The following XPO6 variants were observed in gnomAD, a reference collection of about 807,000 sequenced individuals.
XPO6 encodes exportin 6, also known as exportin-6.
A neutral mutation model predicts 130.0 loss-of-function variants in XPO6; 3 were observed. That is an observed-to-expected ratio of 0.02 (90% CI 0.01 to 0.06). The LOEUF is 0.06. XPO6 is among the 10% of genes least tolerant of loss of function. XPO6 has a pLI of 1.00. For missense variants in XPO6, 970 were observed against 1,393.0 expected (o/e 0.70, Z 4.83); for synonymous variants, 524 against 548.9 (o/e 0.95, Z 0.63).
At chr16:28,157,771 T>A (rs1354502701) in intron 6 of XPO6, among the ~76,000 whole-genome samples, 1 of 152,160 alleles carries the variant, frequency 6.6e-6, no homozygotes, top group Non-Finnish European at 1.5e-5. Flanking sequence ...ATGCCAGACG[T>A]CAAGTACAAG....
At chr16:28,102,852 A>C (rs2086682358) in intron 21 of XPO6, among the ~76,000 whole-genome samples, 1 of 152,178 alleles carries the variant, frequency 6.6e-6, no homozygotes, top group Non-Finnish European at 1.5e-5. Context: ...CCATGGGGGC[A>C]GTCGGGGAGG....
intron 14 of XPO6, among the ~76,000 whole-genome samples, chr16:28,120,420 A>G (rs1486434383): frequency 6.6e-6 from 1 of 152,228 alleles, no homozygotes; most frequent in Non-Finnish European, 1.5e-5. Flanking sequence ...CCACACAGTT[A>G]TTTTGTATTT....
intron 12 of XPO6, among the ~76,000 whole-genome samples, chr16:28,129,668 G>A (rs1171112096): frequency 2.0e-5 from 3 of 152,126 alleles, no homozygotes; most frequent in Admixed American, 1.3e-4. Flanking sequence ...CTAAAAATTA[G>A]CATTCAGGCA....
At chr16:28,199,528 C>T (rs1024188210) in intron 1 of XPO6, among the ~76,000 whole-genome samples, 3 of 151,930 alleles carry the variant, frequency 2.0e-5, no homozygotes, top group East Asian at 3.9e-4. Context: ...CCGCCTGCCT[C>T]GGCCTCCCAA....
At chr16:28,167,326 T>G in intron 5 of XPO6, 1 of 985,444 alleles carries the variant, frequency 1.0e-6, no homozygotes, top group Non-Finnish European at 1.2e-6. Context: ...CAATCCTTTT[T>G]CGTTCCTCAT....
At chr16:28,163,171 C>T (rs1236000529) in intron 6 of XPO6, among the ~76,000 whole-genome samples, 1 of 152,190 alleles carries the variant, frequency 6.6e-6, no homozygotes, top group Non-Finnish European at 1.5e-5. Flanking sequence ...ATTCAAGGAG[C>T]CCCTGGAGGA....
chr16:28,152,602 A>T, intron 8 of XPO6, 57 bp downstream of exon 8: 1 of 1,558,010 alleles, frequency 6.4e-7, no homozygotes, highest in Non-Finnish European at 8.6e-7. Context: ...TTTCTTCTCA[A>T]AGTAACAAGG....
chr16:28,174,062 G>A (rs914015379), intron 4 of XPO6, among the ~76,000 whole-genome samples: 1 of 151,996 alleles, frequency 6.6e-6, no homozygotes, highest in African/African-American at 2.4e-5. Context: ...CTTCCCTGAC[G>A]CCCACTTAAG....
chr16:28,174,794 T>G (rs74014241), intron 4 of XPO6, among the ~76,000 whole-genome samples: 8,252 of 152,218 alleles, frequency 0.054, 573 homozygotes, highest in East Asian at 0.17. Flanking sequence ...TATAAACAAT[T>G]TTCAAAGAAC....
chr16:28,127,717 T>C (rs2042588756), intron 12 of XPO6, among the ~76,000 whole-genome samples: 1 of 152,136 alleles, frequency 6.6e-6, no homozygotes, highest in Non-Finnish European at 1.5e-5. Context: ...CAACAGTGCC[T>C]GCGACAGCCC....
chr16:28,193,233 G>A (rs2043811641), intron 1 of XPO6, among the ~76,000 whole-genome samples: 1 of 152,154 alleles, frequency 6.6e-6, no homozygotes, highest in African/African-American at 2.4e-5. Flanking sequence ...GGGTCCTTAA[G>A]TATCCCTGCA....
At chr16:28,156,756 A>T (rs1380906747) in intron 6 of XPO6, among the ~76,000 whole-genome samples, 1 of 152,272 alleles carries the variant, frequency 6.6e-6, no homozygotes, top group South Asian at 2.1e-4. Flanking sequence ...AGTGAGGGGG[A>T]TCTGGATACA....
chr16:28,110,910 A>C (rs1300757074), intron 17 of XPO6, among the ~76,000 whole-genome samples: 1 of 152,242 alleles, frequency 6.6e-6, no homozygotes. Flanking sequence ...TATACCCTCA[A>C]TATGTCAGCT....
chr16:28,105,453 C>T (rs1032123818), intron 20 of XPO6, among the ~76,000 whole-genome samples: 5 of 152,232 alleles, frequency 3.3e-5, no homozygotes, highest in African/African-American at 1.2e-4. Flanking sequence ...CAAGCATCCA[C>T]AGAAGAAGCC....
intron 6 of XPO6, among the ~76,000 whole-genome samples, chr16:28,157,942 G>C (rs907061782): frequency 6.6e-6 from 1 of 152,232 alleles, no homozygotes; most frequent in African/African-American, 2.4e-5. Context: ...TGAAGGGACA[G>C]GCGTGAGGGG....
intron 23 of XPO6, among the ~76,000 whole-genome samples, chr16:28,099,137 CGG>C (rs58613330): frequency 0.013 from 1,970 of 152,320 alleles, 44 homozygotes; most frequent in East Asian, 0.095. Flanking sequence ...CCTTTACCCA[CGG>C]GGCTCCAGGC....
chr16:28,129,944 G>A (rs554937374), intron 12 of XPO6, among the ~76,000 whole-genome samples: 4 of 152,296 alleles, frequency 2.6e-5, no homozygotes, highest in African/African-American at 7.2e-5. Flanking sequence ...GCTGTGCAAG[G>A]GGAACACCAC....
At position 28,117,301 on chromosome 16, in the gene XPO6, C is replaced by T; in HGVS notation, c.2004+17G>A. 6.2e-7 allele frequency: 1 copy of T among 1,613,192 alleles called. No homozygotes were observed. ...CAGAGAGTTAGATAAAAGGTGTAGG[C>T]TTTGCTGTTTCGAGACCTTGGTGCT... On this transcript the variant is annotated intron_variant, in intron 15 of 23. Coordinates refer to ENST00000304658, the MANE Select transcript of XPO6 (RefSeq NM_015171.4).
intron 4 of XPO6, among the ~76,000 whole-genome samples, chr16:28,171,515 A>G (rs1316975423): frequency 6.6e-6 from 1 of 151,738 alleles, no homozygotes; most frequent in East Asian, 1.9e-4. Context: ...TCCCTTAGAA[A>G]TAACTCTCCC....
Sources: allele counts gnomAD v4.1 joint callset (sites outside exome capture counted in the v4.1 genomes callset), GRCh38; gene constraint gnomAD v4.1.1; transcripts MANE v1.5; gene names NCBI Gene and HGNC (gene_info 2026-07-23, HGNC 2026-07-21).